Variants in RNF180 observed in about 807,000 individuals in gnomAD.
The protein encoded by RNF180 is E3 ubiquitin-protein ligase RNF180.
A neutral mutation model predicts 59.2 loss-of-function variants in RNF180; 38 were observed. That is an observed-to-expected ratio of 0.64 (90% confidence interval 0.50 to 0.84). The LOEUF is 0.84. Among genes scored for constraint, RNF180 ranks in the 40% least tolerant of loss-of-function variants. The probability of loss-of-function intolerance (pLI) is 0.00; values close to 1 mark genes in which losing one functional copy is unlikely to be tolerated. For synonymous variants in RNF180, 262 were observed against 240.3 expected (o/e 1.09, Z -0.84); for missense variants, 705 against 700.9 (o/e 1.01, Z -0.07).
chr5:64,287,365 G>A (rs569517794), intron 5 of RNF180, among the ~76,000 whole-genome samples: 5 of 152,210 alleles, frequency 3.3e-5, no homozygotes, highest in African/African-American at 9.6e-5. Context: ...TATTATTAAT[G>A]GTTTACTAAA....
chr5:64,191,892 C>T (rs1751179010), intron 1 of RNF180, among the ~76,000 whole-genome samples: 1 of 152,162 alleles, frequency 6.6e-6, no homozygotes, highest in Non-Finnish European at 1.5e-5. Flanking sequence ...AAAACTTTCT[C>T]TGTTTTCTTC....
At chr5:64,174,885 T>C (rs1276272220) in intron 1 of RNF180, among the ~76,000 whole-genome samples, 1 of 151,488 alleles carries the variant, frequency 6.6e-6, no homozygotes, top group East Asian at 1.9e-4. Context: ...ACCAAGGTCA[T>C]AAAGCATTTC....
rs185970875 is a variant in RNF180 at position 64,372,773 on chromosome 5, A to G, written c.*2959A>G. ...GAATGCTTTAACATGCTCAACTCTT[A>G]CTTCTTGAAGTGTTTGATTGTCAGT... On this transcript the variant is annotated 3_prime_UTR_variant, in exon 8 of 8. Transcript: ENST00000389100. 5 of 151,980 alleles carry G rather than the reference A, an allele frequency of 3.3e-5. No individual in the cohort carries two copies. The East Asian group carries it at 9.7e-4, about 30-fold the overall frequency. The allele number at this position is 151,980 out of a possible 1,614,324, so 9.4% of individuals were successfully genotyped here.
At chr5:64,332,479 G>T (rs562870029) in intron 7 of RNF180, among the ~76,000 whole-genome samples, 1 of 152,146 alleles carries the variant, frequency 6.6e-6, no homozygotes, top group Non-Finnish European at 1.5e-5. Flanking sequence ...TGACTTCAGC[G>T]ATATCATAGG....
intron 1 of RNF180, among the ~76,000 whole-genome samples, chr5:64,176,456 C>T (rs1172990035): frequency 6.6e-6 from 1 of 152,006 alleles, no homozygotes; most frequent in African/African-American, 2.4e-5. Context: ...TCGAAAAAAT[C>T]CCTTTTTGTG....
chr5:64,249,158 C>T (rs1461501455), intron 5 of RNF180, among the ~76,000 whole-genome samples: 4 of 151,914 alleles, frequency 2.6e-5, no homozygotes, highest in Non-Finnish European at 2.9e-5. Flanking sequence ...ATGTAGGTGA[C>T]GGGTTAATTG....
intron 5 of RNF180, among the ~76,000 whole-genome samples, chr5:64,320,493 C>T (rs1021985691): frequency 5.3e-5 from 8 of 152,156 alleles, no homozygotes; most frequent in Non-Finnish European, 7.3e-5. Context: ...ACAAAAGGTA[C>T]ATGTTTATTG....
At chr5:64,199,377 C>T (rs144252432) in intron 1 of RNF180, among the ~76,000 whole-genome samples, 159 of 152,280 alleles carry the variant, frequency 1.0e-3, no homozygotes, top group African/African-American at 3.7e-3. Context: ...TCTCCGTGTT[C>T]ACCCTGACCA....
intron 5 of RNF180, among the ~76,000 whole-genome samples, chr5:64,249,326 C>A (rs1743410289): frequency 6.6e-6 from 1 of 152,246 alleles, no homozygotes; most frequent in East Asian, 1.9e-4. Context: ...GAGAAAGAAG[C>A]AAATAACTTG....
intron 7 of RNF180, among the ~76,000 whole-genome samples, chr5:64,358,450 A>G (rs1746113395): frequency 6.6e-6 from 1 of 151,844 alleles, no homozygotes; most frequent in South Asian, 2.1e-4. Flanking sequence ...ACTCCAATTT[A>G]TTTGAAAACT....
At chr5:64,182,426 C>T (rs1186932029) in intron 1 of RNF180, among the ~76,000 whole-genome samples, 3 of 152,154 alleles carry the variant, frequency 2.0e-5, no homozygotes, top group Non-Finnish European at 4.4e-5. Context: ...TGAGTAACTT[C>T]AGAATGTAGG....
At chr5:64,249,146 T>G (rs1168457148) in intron 5 of RNF180, among the ~76,000 whole-genome samples, 3 of 152,122 alleles carry the variant, frequency 2.0e-5, no homozygotes, top group Non-Finnish European at 4.4e-5. Flanking sequence ...GAGAAATACC[T>G]AATGTAGGTG....
At chr5:64,353,027 T>C (rs1490886858) in intron 7 of RNF180, among the ~76,000 whole-genome samples, 1 of 151,870 alleles carries the variant, frequency 6.6e-6, no homozygotes, top group Non-Finnish European at 1.5e-5. Flanking sequence ...GACTCTTTGA[T>C]GTATTTCCTG....
intron 2 of RNF180, among the ~76,000 whole-genome samples, chr5:64,202,432 G>A (rs1751800933): frequency 6.6e-6 from 1 of 152,026 alleles, no homozygotes; most frequent in Admixed American, 6.6e-5. Context: ...TTTAAGTTAT[G>A]AATAAAACTG....
chr5:64,272,149 T>C (rs1207183984), intron 5 of RNF180, among the ~76,000 whole-genome samples: 1 of 152,074 alleles, frequency 6.6e-6, no homozygotes, highest in East Asian at 1.9e-4. Context: ...TCAAGCCCTC[T>C]TTCACAAATA....
At position 64,310,867 on chromosome 5, in the gene RNF180, G is replaced by C. The variant is rs116181523; in HGVS notation, c.1228-14319G>C. 2.6e-3 allele frequency among the ~76,000 whole-genome samples: 388 copies of C among 151,960 alleles called. 2 individuals carry two copies. Among genetic ancestry groups the C allele is most frequent in the African/African-American group, 8.9e-3 (369 of 41,498 alleles). ...TCTCACTTCTGCTTACATTCCTTTG[G>C]TTAAAACTCAGTCACATCAGTAATT... On this transcript the variant is annotated intron_variant, in intron 5 of 7. Coordinates refer to ENST00000389100, the MANE Select transcript of RNF180 (RefSeq NM_001113561.2).
At chr5:64,335,731 G>T (rs1745098062) in intron 7 of RNF180, among the ~76,000 whole-genome samples, 1 of 152,034 alleles carries the variant, frequency 6.6e-6, no homozygotes, top group South Asian at 2.1e-4. Flanking sequence ...CTGCAAGAGT[G>T]TCTTGGCCAT....
chr5:64,352,317 C>G (rs1027155508), intron 7 of RNF180, among the ~76,000 whole-genome samples: 2 of 151,858 alleles, frequency 1.3e-5, no homozygotes, highest in Non-Finnish European at 2.9e-5. Flanking sequence ...GTCTTGCTAG[C>G]AGTCTATCAA....
At chr5:64,338,743 G>C (rs1397530320) in intron 7 of RNF180, among the ~76,000 whole-genome samples, 2 of 151,800 alleles carry the variant, frequency 1.3e-5, no homozygotes, top group Non-Finnish European at 2.9e-5. Flanking sequence ...TCTCTCATCT[G>C]TTCCTAATTT....
Sources: allele counts gnomAD v4.1 joint callset (sites outside exome capture counted in the v4.1 genomes callset), GRCh38; gene constraint gnomAD v4.1.1; transcripts MANE v1.5; gene names NCBI Gene and HGNC (gene_info 2026-07-23, HGNC 2026-07-21).